RBFOX1: variants seen among roughly 807,000 people sequenced by gnomAD.
RBFOX1 encodes the protein RNA binding protein fox-1 homolog 1.
A neutral mutation model predicts 57.7 loss-of-function variants in RBFOX1; 8 were observed. The observed-to-expected ratio is 0.14, with a 90% CI of 0.08 to 0.25. The LOEUF (loss-of-function observed/expected upper bound fraction) is 0.25, where lower values mean the gene tolerates loss of function less well. Ranked by LOEUF, RBFOX1 falls within the 10% of genes least tolerant of loss-of-function variation. The pLI is 1.00. For synonymous variants in RBFOX1, 326 were observed against 222.4 expected (o/e 1.47, Z -4.15); for missense variants, 611 against 548.5 (o/e 1.11, Z -1.14).
At chr16:7,702,927 C>CT (rs374759494) in intron 14 of RBFOX1, among the ~76,000 whole-genome samples, 48 of 152,332 alleles carry the variant, frequency 3.2e-4, no homozygotes, top group African/African-American at 1.1e-3. Flanking sequence ...ATGAGAATCA[C>CT]TTCTTCCTGG....
At chr16:6,293,903 T>TTG (rs2077765247) in intron 1 of RBFOX1, among the ~76,000 whole-genome samples, 1 of 142,874 alleles carries the variant, frequency 7.0e-6, no homozygotes, top group South Asian at 2.1e-4. Flanking sequence ...AGCGGGGGGG[T>TTG]GGTGGAAATA....
intron 4 of RBFOX1, among the ~76,000 whole-genome samples, chr16:7,205,052 T>C (rs2089635702): frequency 6.6e-6 from 1 of 152,182 alleles, no homozygotes; most frequent in Admixed American, 6.5e-5. Flanking sequence ...GCCACTCCTC[T>C]ATGAGATAGA....
At chr16:5,781,378 G>A (rs900690821) in intron 3 of RBFOX1, among the ~76,000 whole-genome samples, 9 of 152,156 alleles carry the variant, frequency 5.9e-5, no homozygotes, top group Non-Finnish European at 1.2e-4. Flanking sequence ...ATTGCTATTA[G>A]AGGTTTGGAT....
chr16:6,539,984 G>C (rs2096790898), intron 2 of RBFOX1, among the ~76,000 whole-genome samples: 1 of 152,152 alleles, frequency 6.6e-6, no homozygotes, highest in African/African-American at 2.4e-5. Context: ...TGTCTTAACA[G>C]AAAGGAACTT....
At chr16:5,271,089 A>C (rs1000923046) in intron 1 of RBFOX1, 2 of 194,032 alleles carry the variant, frequency 1.0e-5, no homozygotes, top group Non-Finnish European at 2.0e-5. Context: ...AGGTTGAGGC[A>C]TGAGAATCAC....
At chr16:5,820,503 A>G (rs778765335) in intron 3 of RBFOX1, among the ~76,000 whole-genome samples, 2 of 152,166 alleles carry the variant, frequency 1.3e-5, no homozygotes, top group African/African-American at 4.8e-5. Flanking sequence ...GTTTCTAGCC[A>G]CAAGGGAGGG....
intron 2 of RBFOX1, among the ~76,000 whole-genome samples, chr16:5,470,445 G>C (rs1308812823): frequency 1.3e-5 from 2 of 152,184 alleles, no homozygotes; most frequent in African/African-American, 2.4e-5. Context: ...TTTGTTGATA[G>C]GTTGTTTAAC....
At chr16:7,152,962 G>T (rs901308690) in intron 4 of RBFOX1, among the ~76,000 whole-genome samples, 15 of 152,152 alleles carry the variant, frequency 9.9e-5, no homozygotes, top group Non-Finnish European at 4.4e-5. Context: ...AGTGGCCATT[G>T]CTGGTGCATA....
chr16:6,929,118 A>G (rs9302832), intron 3 of RBFOX1, among the ~76,000 whole-genome samples: 25,534 of 151,992 alleles, frequency 0.17, 2,144 homozygotes, highest in Non-Finnish European at 0.2. Flanking sequence ...CCACATTGCA[A>G]CTCTTCAATA....
At chr16:5,961,353 G>C (rs1316417249) in intron 4 of RBFOX1, among the ~76,000 whole-genome samples, 1 of 152,002 alleles carries the variant, frequency 6.6e-6, no homozygotes, top group Non-Finnish European at 1.5e-5. Context: ...GTACTTGCTT[G>C]AGCTTCCAAA....
chr16:6,378,841 C>T lies in RBFOX1; in HGVS notation c.-64+61784C>T, dbSNP rs572328450. On this transcript the variant is annotated intron_variant, in intron 2 of 15. Coordinates refer to ENST00000550418, the MANE Select transcript of RBFOX1 (RefSeq NM_018723.4). Reference sequence around the variant, plus strand: ...TGAATGAATCTTTAGGAGGATTACTCTTCCTAGAGTGTGCAAAACGGATTG... The same window carrying T: ...TGAATGAATCTTTAGGAGGATTACTTTTCCTAGAGTGTGCAAAACGGATTG... Among the ~76,000 whole-genome samples the T allele has an allele frequency of 9.9e-5, 15 of 152,206 alleles. No homozygotes were observed. The South Asian group carries it at 2.3e-3, about 23-fold the overall frequency.
intron 3 of RBFOX1, among the ~76,000 whole-genome samples, chr16:6,693,162 C>G (rs1418115903): frequency 6.6e-6 from 1 of 151,770 alleles, no homozygotes; most frequent in African/African-American, 2.4e-5. Flanking sequence ...ACTAGCATCA[C>G]CACCATCATC....
At chr16:5,826,928 A>G (rs1399911593) in intron 3 of RBFOX1, among the ~76,000 whole-genome samples, 1 of 152,216 alleles carries the variant, frequency 6.6e-6, no homozygotes. Flanking sequence ...ATGCTAGAAT[A>G]TCTTTGAAAT....
rs557698860 is a variant in RBFOX1, at chr16:5,360,943, G to A, written c.220-106273G>A. On this transcript the variant is annotated intron_variant, in intron 1 of 2. Transcript: ENST00000585867. ...AGTGGGAGAAGCCTCCAGTGCCCAC[G>A]GCTTCTGCGGTGAGGAGGTGTGTAA... Among the ~76,000 whole-genome samples the A allele has an allele frequency of 1.6e-4, 24 of 152,220 alleles. No individual in the cohort carries two copies. In the East Asian group the frequency reaches 3.5e-3, roughly 22 times the overall value.
rs550797602 is a variant in RBFOX1 at position 6,013,063 on chromosome 16, T to C, written c.351+145728T>C. Among the ~76,000 whole-genome samples, 19 of 152,294 alleles carry C rather than the reference T, an allele frequency of 1.2e-4. No individual in the cohort carries two copies. The Middle Eastern group carries it at 0.01, about 82-fold the overall frequency. ...TATGTTAATTATATCATCATCATCA[T>C]CATTGTTGTCATTGTCCCCATTTTA... On this transcript the variant is annotated intron_variant, in intron 4 of 19. Transcript: ENST00000641259.
At chr16:5,831,048 A>G (rs1431932022) in intron 3 of RBFOX1, among the ~76,000 whole-genome samples, 1 of 152,228 alleles carries the variant, frequency 6.6e-6, no homozygotes, top group Non-Finnish European at 1.5e-5. Flanking sequence ...CGAGTTTAAT[A>G]TCTGTTCTCC....
chr16:7,287,044 G>C (rs2095664447), intron 4 of RBFOX1, among the ~76,000 whole-genome samples: 1 of 152,206 alleles, frequency 6.6e-6, no homozygotes, highest in Non-Finnish European at 1.5e-5. Flanking sequence ...GTAGGAGTGT[G>C]AGGATGTGTG....
At chr16:7,165,974 A>ATACATACATACG (rs1555526106) in intron 4 of RBFOX1, among the ~76,000 whole-genome samples, 1 of 150,246 alleles carries the variant, frequency 6.7e-6, no homozygotes, top group Non-Finnish European at 1.5e-5. Flanking sequence ...ACATACATAC[A>ATACATACATACG]TACACCCCAG....
chr16:7,589,912 G>GGTGTGTGTGTGTGTGTGTGTGTGTGT (rs3029164), intron 7 of RBFOX1, among the ~76,000 whole-genome samples: 2 of 134,946 alleles, frequency 1.5e-5, no homozygotes, highest in African/African-American at 2.7e-5. Flanking sequence ...GTGTGTGCTG[G>GGTGTGTGTGTGTGTGTGTGTGTGTGT]GTGTGTGTGT....
Sources: gnomAD v4.1 joint callset for allele counts (sites outside exome capture counted in the v4.1 genomes callset) on GRCh38, gnomAD v4.1.1 for gene constraint, MANE v1.5 for transcripts, NCBI Gene and HGNC (gene_info 2026-07-23, HGNC 2026-07-21) for gene names.